Variants in FRY observed in about 807,000 individuals in gnomAD.
The protein encoded by FRY is protein furry homolog.
In FRY, 128 loss-of-function variants were observed where a neutral mutation model predicts 348.4. That is an observed-to-expected ratio of 0.37 (90% CI 0.32 to 0.43). The LOEUF is 0.43. Ranked by LOEUF, FRY falls within the 20% of genes least tolerant of loss-of-function variation. The probability of loss-of-function intolerance (pLI) is 1.00; values close to 1 mark genes in which losing one functional copy is unlikely to be tolerated. For synonymous variants in FRY, 1,370 were observed against 1,374.7 expected, an observed-to-expected ratio of 1.00 and a Z score of 0.08; for missense variants, 2,736 against 3,695.2, an observed-to-expected ratio of 0.74 and a Z score of 6.73.
chr13:32,125,035 A>G (rs1391765534), intron 7 of FRY, among the ~76,000 whole-genome samples, 160 bp downstream of exon 7: 6 of 152,240 alleles, frequency 3.9e-5, no homozygotes, highest in Admixed American at 6.5e-5. Context: ...CTCTTCCAAG[A>G]CAGGTATCAA....
In FRY at chr13:32,173,396, T is replaced by A; in HGVS notation, c.2181T>A (p.Ile727=). ...ELIANGSSHR[I]QSERGPHCSV... ...TCGCAAATGGCTCCAGTCACAGAAT[T>A]CAGTCGGAACGAGGTCCCCACTGCA... Residue 727 remains isoleucine (I), a synonymous_variant, in exon 19 of 61, where the codon ATT becomes ATA. Coordinates refer to ENST00000542859, the MANE Select transcript of FRY (RefSeq NM_023037.3). 1 of 1,612,230 alleles carries A rather than the reference T, an allele frequency of 6.2e-7. No homozygotes were observed. The highest frequency in any genetic ancestry group is 1.7e-5 in the Admixed American group (1 of 60,016).
At chr13:32,103,239 T>C (rs2138637905) in intron 3 of FRY, among the ~76,000 whole-genome samples, 1 of 152,332 alleles carries the variant, frequency 6.6e-6, no homozygotes, top group African/African-American at 2.4e-5. Context: ...GCCATGGCAC[T>C]ATCTTCTTTT....
chr13:32,108,812 C>T (rs1173434999), intron 3 of FRY, among the ~76,000 whole-genome samples: 1 of 152,166 alleles, frequency 6.6e-6, no homozygotes, highest in African/African-American at 2.4e-5. Context: ...CCCATAGACT[C>T]AGAATCAGAT....
chr13:32,144,065 G>A (rs1396910060), intron 11 of FRY, among the ~76,000 whole-genome samples: 3 of 152,000 alleles, frequency 2.0e-5, no homozygotes, highest in Non-Finnish European at 4.4e-5. Context: ...TGCTGATTTG[G>A]ACCAATTGGA....
chr13:32,262,356 C>T lies in FRY; in HGVS notation c.7660C>T (p.Leu2554=), dbSNP rs1483295621. ...SPSEETNPME[L]LTTACDSTPA... ...CTCTGAAGAGACGAATCCCATGGAG[C>T]TGCTCACCACAGCCTGTGACTCGAC... Residue 2554 remains leucine (L), a synonymous_variant, in exon 53 of 61, where the codon CTG becomes TTG. Transcript: ENST00000542859. 6.2e-7 allele frequency: 1 copy of T among 1,613,816 alleles called. No homozygotes were observed.
chr13:32,180,275 C>T (rs949641534), intron 23 of FRY, among the ~76,000 whole-genome samples: 20 of 151,724 alleles, frequency 1.3e-4, no homozygotes, highest in Admixed American at 7.9e-4. Flanking sequence ...CGCTCTGTCA[C>T]GCAGGCTGGA....
intron 29 of FRY, 34 bp downstream of exon 29, chr13:32,194,331 G>T (rs2138297618): frequency 6.3e-7 from 1 of 1,593,040 alleles, no homozygotes. Context: ...TGAGTGGCAA[G>T]TATGTTTAGG....
rs144231215 is a variant in FRY at position 32,236,873 on chromosome 13, A to G, written c.5811-506A>G. On this transcript the variant is annotated intron_variant, in intron 43 of 60. Transcript: ENST00000542859. Reference sequence around the variant, plus strand: ...AAGATTTATCTAAATCAGTAAAAATATAGCAAGAATGTTGACAAAGAGTTT... The same window carrying G: ...AAGATTTATCTAAATCAGTAAAAATGTAGCAAGAATGTTGACAAAGAGTTT... 5.1e-4 allele frequency among the ~76,000 whole-genome samples: 78 copies of G among 152,358 alleles called. No individual in the cohort carries two copies. In the East Asian group the frequency reaches 0.014, roughly 28 times the overall value.
In FRY at chr13:32,249,537, C is replaced by T. The variant is rs1209019195; in HGVS notation, c.7020C>T (p.Ile2340=). The change falls in exon 49 of 61, where the codon ATC becomes ATT. Residue 2340 remains isoleucine (I), a synonymous_variant. Coordinates refer to ENST00000542859, the MANE Select transcript of FRY (RefSeq NM_023037.3). ...FHFDISETPI[I]GRRYDELQNS... ...GTCTTCTTCTCAAGACTCCAATCAT[C>T]GGGAGGCGGTATGATGAGCTGCAGA... 3.7e-6 allele frequency: 6 copies of T among 1,614,110 alleles called. No homozygotes were observed. The highest frequency in any genetic ancestry group is 1.3e-5 in the African/African-American group (1 of 75,032).
At chr13:32,204,150 T>C (rs753135509) in intron 31 of FRY, among the ~76,000 whole-genome samples, 4 of 152,222 alleles carry the variant, frequency 2.6e-5, no homozygotes, top group Non-Finnish European at 5.9e-5. Context: ...CACTAGTTGT[T>C]TGACTGTGGG....
At chr13:32,151,972 T>A (rs777446523) in intron 14 of FRY, among the ~76,000 whole-genome samples, 35 of 152,352 alleles carry the variant, frequency 2.3e-4, no homozygotes, top group Non-Finnish European at 4.3e-4. Context: ...AAAATCAGTA[T>A]ATTCTAGTTA....
intron 49 of FRY, among the ~76,000 whole-genome samples, chr13:32,250,889 G>T (rs950835248): frequency 6.6e-6 from 1 of 152,208 alleles, no homozygotes; most frequent in African/African-American, 2.4e-5. Flanking sequence ...TTCCTTCCCA[G>T]AATTGTAAAA....
chr13:32,226,081 C>A, intron 39 of FRY, 107 bp downstream of exon 39: 1 of 854,864 alleles, frequency 1.2e-6, no homozygotes, highest in Non-Finnish European at 2.0e-6. Flanking sequence ...CTATGACCTC[C>A]AACTTTCCAC....
At chr13:32,272,249 T>G (rs1055756819) in intron 55 of FRY, among the ~76,000 whole-genome samples, 1 of 152,190 alleles carries the variant, frequency 6.6e-6, no homozygotes, top group Non-Finnish European at 1.5e-5. Context: ...CCTGTAAGTG[T>G]GAATACAATG....
At chr13:32,058,918 G>A (rs150112216) in intron 1 of FRY, among the ~76,000 whole-genome samples, 3 of 152,290 alleles carry the variant, frequency 2.0e-5, no homozygotes, top group African/African-American at 7.2e-5. Flanking sequence ...TAGTGACACT[G>A]GAGTCTGATA....
At chr13:32,247,163 CTT>C (rs1186691698) in intron 47 of FRY, among the ~76,000 whole-genome samples, 158 bp from the exon 48 acceptor site, 1 of 152,050 alleles carries the variant, frequency 6.6e-6, no homozygotes, top group Admixed American at 6.6e-5. Context: ...TATACATTGT[CTT>C]TTTATGTCAT....
intron 1 of FRY, among the ~76,000 whole-genome samples, chr13:32,073,447 G>A (rs1320805381): frequency 6.6e-6 from 1 of 152,178 alleles, no homozygotes; most frequent in Non-Finnish European, 1.5e-5. Flanking sequence ...AGATAGAGAA[G>A]AGCAGGTCCC....
Position 32,239,673 on chromosome 13 carries a change from G to T in FRY, c.6517-38G>T. 2.2e-6 allele frequency: 3 copies of T among 1,389,242 alleles called. No individual in the cohort carries two copies. The highest frequency in any genetic ancestry group is 1.2e-5 in the South Asian group (1 of 86,188). 86.1% of individuals were successfully genotyped at this position (1,389,242 alleles called of 1,614,324 possible). On this transcript the variant is annotated intron_variant, in intron 45 of 60. Coordinates refer to ENST00000542859, the MANE Select transcript of FRY (RefSeq NM_023037.3). The surrounding 1 kb of genome is among the most constrained non-coding windows in gnomAD (Gnocchi z 4.3). ...TGCTAACATTTCTTCCTATTCATTG[G>T]GCTATTTTATTCCTAATTGATTTTT...
At chr13:32,127,044 A>G (rs1879064362) in intron 7 of FRY, among the ~76,000 whole-genome samples, 2 of 152,150 alleles carry the variant, frequency 1.3e-5, no homozygotes, top group African/African-American at 4.8e-5. Flanking sequence ...TCATTTAGGG[A>G]AAAGAATTTT....
Sources: allele counts gnomAD v4.1 joint callset (sites outside exome capture counted in the v4.1 genomes callset), GRCh38; gene constraint gnomAD v4.1.1; non-coding constraint Gnocchi (gnomAD v3.1); transcripts MANE v1.5; gene names NCBI Gene and HGNC (gene_info 2026-07-23, HGNC 2026-07-21).